The following PDE11A variants were observed in gnomAD, a reference collection of about 807,000 sequenced individuals.
PDE11A encodes phosphodiesterase 11A, also known as dual 3',5'-cyclic-AMP and -GMP phosphodiesterase 11A.
PDE11A carries 100 observed loss-of-function variants against 100.5 expected under a neutral mutation model. The observed-to-expected ratio is 1.00, with a 90% confidence interval of 0.85 to 1.18. PDE11A has a LOEUF of 1.18. Ranked by LOEUF, PDE11A falls within the 50% of genes most tolerant of loss-of-function variation. PDE11A has a pLI of 0.00. For synonymous variants in PDE11A, 381 were observed against 420.8 expected, an observed-to-expected ratio of 0.91 and a Z score of 1.16; for missense variants, 1,141 against 1,152.6, an observed-to-expected ratio of 0.99 and a Z score of 0.15.
chr2:177,888,584 T>A (rs2084478610), intron 4 of PDE11A: 1 of 278,982 alleles, frequency 3.6e-6, no homozygotes, highest in Non-Finnish European at 5.4e-6. Flanking sequence ...TTAATAAATT[T>A]GACACATTAA....
intron 2 of PDE11A, among the ~76,000 whole-genome samples, chr2:177,950,756 A>C (rs2085495910): frequency 6.6e-6 from 1 of 152,220 alleles, no homozygotes; most frequent in Non-Finnish European, 1.5e-5. Flanking sequence ...TTAAAAATAC[A>C]AAACATTAGC....
chr2:177,698,142 G>T (rs1053761140), intron 14 of PDE11A, among the ~76,000 whole-genome samples: 1 of 152,202 alleles, frequency 6.6e-6, no homozygotes, highest in South Asian at 2.1e-4. Flanking sequence ...TTGATGAAGT[G>T]TGTGGCAGGC....
At chr2:177,787,013 A>G (rs1259850527) in intron 9 of PDE11A, among the ~76,000 whole-genome samples, 4 of 145,060 alleles carry the variant, frequency 2.8e-5, no homozygotes, top group Admixed American at 6.8e-5. Context: ...GCAGGCCAAC[A>G]TTCAGATTCA....
intron 2 of PDE11A, among the ~76,000 whole-genome samples, chr2:177,987,899 T>G (rs532681517): frequency 6.4e-4 from 98 of 152,328 alleles, no homozygotes; most frequent in African/African-American, 2.3e-3. Flanking sequence ...AAAGTCTTTC[T>G]TCCCCACTGT....
chr2:177,885,821 A>G (rs1489411958), intron 4 of PDE11A, among the ~76,000 whole-genome samples: 1 of 152,206 alleles, frequency 6.6e-6, no homozygotes. Context: ...TTACATAAGG[A>G]CCAAGGAGCT....
chr2:177,883,246 T>C (rs2084375231), intron 4 of PDE11A, among the ~76,000 whole-genome samples: 1 of 147,742 alleles, frequency 6.8e-6, no homozygotes, highest in Admixed American at 6.9e-5. Flanking sequence ...CCAGCCTAAG[T>C]GACACAGCAA....
At chr2:177,902,985 T>G (rs535212668) in intron 3 of PDE11A, among the ~76,000 whole-genome samples, 1 of 152,316 alleles carries the variant, frequency 6.6e-6, no homozygotes, top group South Asian at 2.1e-4. Context: ...CTATTAAAAG[T>G]AAGTCAGACT....
intron 5 of PDE11A, among the ~76,000 whole-genome samples, chr2:177,855,947 C>T (rs961553530): frequency 7.9e-5 from 10 of 127,178 alleles, no homozygotes; most frequent in Non-Finnish European, 1.4e-4. Context: ...CACACACACA[C>T]ACACTACTGT....
intron 2 of PDE11A, among the ~76,000 whole-genome samples, chr2:178,010,075 C>T (rs984599902): frequency 7.2e-5 from 11 of 152,158 alleles, no homozygotes; most frequent in African/African-American, 2.4e-4. Flanking sequence ...ATAATAAGTG[C>T]TACCCTAAGC....
At chr2:177,638,061 G>A (rs189020716) in intron 19 of PDE11A, among the ~76,000 whole-genome samples, 6 of 143,408 alleles carry the variant, frequency 4.2e-5, no homozygotes, top group East Asian at 2.1e-4. Context: ...GTGCAGTGGC[G>A]CGATCTCCGC....
At chr2:177,990,379 C>T (rs948540909) in intron 2 of PDE11A, among the ~76,000 whole-genome samples, 11 of 152,058 alleles carry the variant, frequency 7.2e-5, no homozygotes, top group Admixed American at 6.6e-4. Context: ...CAGAGCTTAA[C>T]GATTTTCATT....
chr2:177,843,064 T>A (rs2083517116), intron 5 of PDE11A, among the ~76,000 whole-genome samples: 1 of 152,020 alleles, frequency 6.6e-6, no homozygotes, highest in African/African-American at 2.4e-5. Context: ...AGAGAAGAAA[T>A]TTTAAGGAAG....
Position 178,071,863 on chromosome 2 carries a change from T to C in PDE11A, c.575A>G (p.Tyr192Cys), listed in dbSNP as rs1343948121. ...ATTATGCTTTTTCAGATGGCACTTGTAGTCGATGGCTGTAGGGGGATACCG... is the reference window on the plus strand; with the variant it reads ...ATTATGCTTTTTCAGATGGCACTTGCAGTCGATGGCTGTAGGGGGATACCG... ...LPRYPPTAID[Y>C]KCHLKKHNER... The change falls in exon 1 of 20, where the codon TAC becomes TGC. Residue 192 changes from tyrosine (Y) to cysteine (C), a missense_variant. Transcript: ENST00000286063. The C allele has an allele frequency of 1.2e-6, 2 of 1,613,930 alleles. No individual in the cohort carries two copies. The highest frequency in any genetic ancestry group is 1.7e-5 in the Admixed American group (1 of 60,006).
At position 177,816,883 on chromosome 2, in the gene PDE11A, T is replaced by C; in HGVS notation, c.1683A>G (p.Thr561=). 2 of 1,611,520 alleles carry C rather than the reference T, an allele frequency of 1.2e-6. No homozygotes were observed. Among genetic ancestry groups the C allele is most frequent in the Non-Finnish European group, 1.7e-6 (2 of 1,177,738 alleles). The change falls in exon 9 of 20, where the codon ACA becomes ACG. Residue 561 remains threonine (T), a synonymous_variant. Transcript: ENST00000286063. ...VIFCGLGINN[T]IMYDQVKKSW... ...ACTTCTTCACTTGATCATACATAAT[T>C]GTGTTGTTGATGCCAAGTCCACAAA...
At chr2:177,886,306 G>T (rs1213927957) in intron 4 of PDE11A, among the ~76,000 whole-genome samples, 1 of 152,144 alleles carries the variant, frequency 6.6e-6, no homozygotes. Flanking sequence ...AAAATCAATG[G>T]ACTGAAACAC....
intron 2 of PDE11A, chr2:177,998,810 T>C (rs2086109179): frequency 2.9e-6 from 2 of 678,934 alleles, no homozygotes; most frequent in Admixed American, 2.3e-5. Flanking sequence ...ACTATCTTCA[T>C]CCTTGCCGGC....
chr2:178,080,087 G>C (rs2087264366), intron 2 of PDE11A, among the ~76,000 whole-genome samples: 1 of 152,140 alleles, frequency 6.6e-6, no homozygotes, highest in South Asian at 2.1e-4. Flanking sequence ...CTTCCATTCT[G>C]TAGGTTGTCT....
intron 2 of PDE11A, among the ~76,000 whole-genome samples, chr2:177,935,280 C>A (rs1486072815): frequency 6.6e-6 from 1 of 152,170 alleles, no homozygotes; most frequent in Non-Finnish European, 1.5e-5. Context: ...CTCTTACCCA[C>A]CACTACTTAC....
At chr2:177,778,380 C>T (rs991519234) in intron 9 of PDE11A, among the ~76,000 whole-genome samples, 9 of 152,088 alleles carry the variant, frequency 5.9e-5, no homozygotes, top group African/African-American at 2.2e-4. Context: ...GACCATTATA[C>T]CAGCAGAGAG....
Sources: gnomAD v4.1 joint callset for allele counts (sites outside exome capture counted in the v4.1 genomes callset) on GRCh38, gnomAD v4.1.1 for gene constraint, MANE v1.5 for transcripts, NCBI Gene and HGNC (gene_info 2026-07-23, HGNC 2026-07-21) for gene names.